HECTD4: variants seen among roughly 807,000 people sequenced by gnomAD.
HECTD4 encodes the protein probable E3 ubiquitin-protein ligase HECTD4.
A neutral mutation model predicts 471.5 loss-of-function variants in HECTD4; 114 were observed. That is an observed-to-expected ratio of 0.24 (90% confidence interval 0.21 to 0.28). The LOEUF is 0.28. Among genes scored for constraint, HECTD4 ranks in the 10% least tolerant of loss-of-function variants. HECTD4 has a pLI of 1.00. For synonymous variants in HECTD4, 2,012 were observed against 2,256.0 expected, an observed-to-expected ratio of 0.89 and a Z score of 3.07; for missense variants, 3,866 against 5,651.5, an observed-to-expected ratio of 0.68 and a Z score of 10.13.
chr12:112,167,594 G>T (rs2031022698), intron 71 of HECTD4, 56 bp from the exon 72 acceptor site: 2 of 1,374,924 alleles, frequency 1.5e-6, no homozygotes, highest in African/African-American at 2.9e-5. Flanking sequence ...TGCCCGCCAG[G>T]GAACATGTGT....
In HECTD4 at chr12:112,179,476, A is replaced by C; in HGVS notation, c.10988-79T>G. 1 of 1,293,456 alleles carries C rather than the reference A, an allele frequency of 7.7e-7. No homozygotes were observed. The highest frequency in any genetic ancestry group is 1.3e-5 in the South Asian group (1 of 78,150). The allele number at this position is 1,293,456 out of a possible 1,614,324, so 80.1% of individuals were successfully genotyped here. On this transcript the variant is annotated intron_variant, in intron 62 of 75. Transcript: ENST00000682272. The surrounding 1 kb of genome is among the most constrained non-coding windows in gnomAD (Gnocchi z 4.3). ...AGCCCTGCGAGCATTCTGTTTCCAA[A>C]CACTGTTTGAAAGGGGCAGTGGATG...
At chr12:112,370,020 A>G (rs1414110095) in intron 1 of HECTD4, among the ~76,000 whole-genome samples, 1 of 152,188 alleles carries the variant, frequency 6.6e-6, no homozygotes, top group Non-Finnish European at 1.5e-5. Flanking sequence ...TGATTAAGTT[A>G]AAGATCTTGA....
intron 23 of HECTD4, among the ~76,000 whole-genome samples, chr12:112,252,071 C>T (rs972666434): frequency 1.3e-5 from 2 of 152,094 alleles, no homozygotes; most frequent in Non-Finnish European, 2.9e-5. Flanking sequence ...CACGCCCAGC[C>T]GGATGCTTAA....
chr12:112,167,552 TGG>T lies in HECTD4; in HGVS notation c.12313-16_12313-15del. ...GATATACTTGCCCTGGAAGTGGAGG[TGG>T]GCATGAGGTGACCTGGGCGTGGGCC... On this transcript the variant is annotated splice_polypyrimidine_tract_variant and intron_variant, in intron 71 of 75. Coordinates refer to ENST00000682272, the MANE Select transcript of HECTD4 (RefSeq NM_001388303.1). 1 of 1,560,370 alleles carries T rather than the reference TGG, an allele frequency of 6.4e-7. No individual in the cohort carries two copies. Among genetic ancestry groups the T allele is most frequent in the Non-Finnish European group, 8.7e-7 (1 of 1,149,484 alleles).
intron 1 of HECTD4, among the ~76,000 whole-genome samples, chr12:112,355,287 C>A (rs374079609): frequency 0.02 from 2,185 of 111,386 alleles, 27 homozygotes; most frequent in Non-Finnish European, 0.028. Context: ...AAATGGGATT[C>A]AAAAAAAAAA....
At chr12:112,361,472 C>A (rs2036448686) in intron 1 of HECTD4, among the ~76,000 whole-genome samples, 1 of 151,808 alleles carries the variant, frequency 6.6e-6, no homozygotes, top group East Asian at 1.9e-4. Flanking sequence ...TAGGGTCTCA[C>A]TACATTGCCC....
intron 14 of HECTD4, among the ~76,000 whole-genome samples, chr12:112,266,413 GC>G (rs1167486529): frequency 6.6e-6 from 1 of 152,240 alleles, no homozygotes; most frequent in African/African-American, 2.4e-5. Flanking sequence ...AGTTTATAAA[GC>G]TTGCAGATAT....
At chr12:112,229,974 A>T in intron 40 of HECTD4, 94 bp from the exon 41 acceptor site, 1 of 1,197,860 alleles carries the variant, frequency 8.3e-7, no homozygotes, top group South Asian at 1.6e-5. Flanking sequence ...CCTGGGTCCC[A>T]TGTATTGAAG....
At chr12:112,364,566 C>T (rs1272792290) in intron 1 of HECTD4, among the ~76,000 whole-genome samples, 2 of 151,920 alleles carry the variant, frequency 1.3e-5, no homozygotes, top group Admixed American at 6.6e-5. Context: ...CCCATCTCTA[C>T]AAAAACACAA....
At chr12:112,252,399 C>G (rs747352530) in intron 23 of HECTD4, 25 bp downstream of exon 23, 2 of 1,562,858 alleles carry the variant, frequency 1.3e-6, no homozygotes, top group Non-Finnish European at 1.7e-6. Flanking sequence ...ACATTTTGTC[C>G]ACGGCAGTGG....
chr12:112,260,459 A>G (rs2034118252), intron 18 of HECTD4, among the ~76,000 whole-genome samples: 1 of 152,220 alleles, frequency 6.6e-6, no homozygotes, highest in South Asian at 2.1e-4. Flanking sequence ...GTCCATAGGA[A>G]CAGACAGGGT....
intron 1 of HECTD4, among the ~76,000 whole-genome samples, chr12:112,332,639 T>C (rs2035864336): frequency 6.6e-6 from 1 of 151,948 alleles, no homozygotes; most frequent in Admixed American, 6.6e-5. Flanking sequence ...AGCAAGCTCC[T>C]TGGGTGACTT....
Position 112,230,769 on chromosome 12 carries a change from G to A in HECTD4, c.6254C>T (p.Ala2085Val). 6.2e-7 allele frequency: 1 copy of A among 1,611,048 alleles called. No homozygotes were observed. The highest frequency in any genetic ancestry group is 2.2e-5 in the East Asian group (1 of 44,830). The stretch of plus-strand genomic sequence containing the variant: ...GCTATGTAGCAAGGCGATCACTTCT[G>A]CAGCCATGCTGTTTGCCACATGCCC... ...ISGHVANSMAAEVIALLHSLL... is the reference protein window; with the variant it reads ...ISGHVANSMAVEVIALLHSLL... The change falls in exon 40 of 76, where the codon GCA becomes GTA. Residue 2085 changes from alanine to valine, a missense_variant. Ala to Val is a moderately conservative substitution (Grantham distance 64, BLOSUM62 0). This residue lies in a region of HECTD4 where 617 missense variants were observed against 915.1 expected (regional missense o/e 0.67). Coordinates refer to ENST00000682272, the MANE Select transcript of HECTD4 (RefSeq NM_001388303.1).
chr12:112,221,174 T>C (rs1161001739), intron 44 of HECTD4, among the ~76,000 whole-genome samples: 1 of 151,764 alleles, frequency 6.6e-6, no homozygotes, highest in Non-Finnish European at 1.5e-5. Flanking sequence ...CATATAAAAA[T>C]TACAATTAAA....
At chr12:112,274,627 A>G (rs1368816759) in intron 10 of HECTD4, among the ~76,000 whole-genome samples, 1 of 152,184 alleles carries the variant, frequency 6.6e-6, no homozygotes, top group Non-Finnish European at 1.5e-5. Context: ...GGACTGCTTG[A>G]GCCCAGGAGG....
chr12:112,325,462 G>A (rs2035723413), intron 1 of HECTD4, among the ~76,000 whole-genome samples: 1 of 152,148 alleles, frequency 6.6e-6, no homozygotes, highest in Non-Finnish European at 1.5e-5. Flanking sequence ...AAGTTTGAAG[G>A]TCATGGCCTA....
intron 65 of HECTD4, 80 bp downstream of exon 65, chr12:112,176,516 A>G: frequency 1.0e-6 from 1 of 975,016 alleles, no homozygotes; most frequent in Non-Finnish European, 1.6e-6. Flanking sequence ...GGAAAAGCAG[A>G]GGCCTGCTCC....
intron 54 of HECTD4, chr12:112,201,037 T>C (rs1386552044): frequency 8.6e-6 from 5 of 578,304 alleles, no homozygotes; most frequent in Non-Finnish European, 1.6e-5. Context: ...CTATATAAAC[T>C]TGCTATGTGC....
chr12:112,167,636 G>C, intron 71 of HECTD4, 98 bp from the exon 72 acceptor site: 1 of 1,110,294 alleles, frequency 9.0e-7, no homozygotes, highest in Non-Finnish European at 1.3e-6. Context: ...GCAGGCAGGA[G>C]AGAAGTCACT....
Sources: gnomAD v4.1 joint callset for allele counts (sites outside exome capture counted in the v4.1 genomes callset) on GRCh38, gnomAD v4.1.1 for gene constraint, gnomAD v4.1.1 regional missense constraint, Gnocchi (gnomAD v3.1) non-coding constraint, MANE v1.5 for transcripts, NCBI Gene and HGNC (gene_info 2026-07-23, HGNC 2026-07-21) for gene names.